Variants in PEX11B observed in about 807,000 individuals in gnomAD.
PEX11B encodes peroxisomal membrane protein 11B.
PEX11B carries 18 observed loss-of-function variants against 28.2 expected under a neutral mutation model. The ratio of observed to expected loss-of-function variants is 0.64; its 90% CI spans 0.44 to 0.95. The LOEUF (loss-of-function observed/expected upper bound fraction) is 0.95, where lower values mean the gene tolerates loss of function less well. Among genes scored for constraint, PEX11B ranks in the 40% least tolerant of loss-of-function variants. The pLI, the probability that PEX11B is intolerant of heterozygous loss-of-function variation, is 0.00. For missense variants in PEX11B, 305 were observed against 319.8 expected (o/e 0.95, Z 0.35); for synonymous variants, 128 against 128.7 (o/e 0.99, Z 0.04).
Position 145,913,400 on chromosome 1 carries a change from C to T in PEX11B, c.375-834G>A, listed in dbSNP as rs185510077. Among the ~76,000 whole-genome samples the T allele has an allele frequency of 7.4e-4, 113 of 152,240 alleles. 2 individuals carry two copies. In the South Asian group the frequency reaches 0.016, roughly 22 times the overall value. ...TCATGTCACAACGTACATGTACAAA[C>T]ATCGAGCTATAACTCCTTAAATATA... On this transcript the variant is annotated intron_variant, in intron 3 of 3. Coordinates refer to ENST00000369306, the MANE Select transcript of PEX11B (RefSeq NM_003846.3).
chr1:145,917,668 T>G, intron 2 of PEX11B, 33 bp downstream of exon 2: 1 of 1,185,698 alleles, frequency 8.4e-7, no homozygotes, highest in Non-Finnish European at 1.3e-6. Flanking sequence ...GGAGGAAAGG[T>G]TGGGGGATAA....
Position 145,918,618 on chromosome 1 carries a change from C to T in PEX11B, c.56+15G>A. The T allele has an allele frequency of 6.3e-7, 1 of 1,588,788 alleles. No individual in the cohort carries two copies. Among genetic ancestry groups the T allele is most frequent in the Non-Finnish European group, 8.6e-7 (1 of 1,167,428 alleles). On this transcript the variant is annotated intron_variant, in intron 1 of 3. Transcript: ENST00000369306. ...TCCCTCCCCCGCCCCACCCCCATTCCTATTCGGGCCGCACCTACACAGCCG... is the reference window on the plus strand; with the variant it reads ...TCCCTCCCCCGCCCCACCCCCATTCTTATTCGGGCCGCACCTACACAGCCG...
chr1:145,916,001 G>A (rs1237642793), intron 3 of PEX11B, among the ~76,000 whole-genome samples: 1 of 152,108 alleles, frequency 6.6e-6, no homozygotes, highest in Non-Finnish European at 1.5e-5. Flanking sequence ...TCATTTCCCT[G>A]CTCAGAATCC....
rs1460942501 is a variant in PEX11B at position 145,916,972 on chromosome 1, T to C, written c.219A>G (p.Arg73=). Residue 73 remains arginine, a synonymous_variant, in exon 3 of 4, where the codon AGA becomes AGG. Coordinates refer to ENST00000369306, the MANE Select transcript of PEX11B (RefSeq NM_003846.3). ...NSADALESAK[R]AVHLSDVVLR... is the part of the protein sequence containing the mutation. ...GGACAACATCTGATAGGTGAACAGC[T>C]CTTTTGGCTGACTCAAGGGCATCTG... The C allele has an allele frequency of 1.7e-5, 28 of 1,613,864 alleles. No homozygotes were observed. Among genetic ancestry groups the C allele is most frequent in the Admixed American group, 3.3e-5 (2 of 60,014 alleles).
At chr1:145,915,197 C>G (rs1647306509) in intron 3 of PEX11B, among the ~76,000 whole-genome samples, 1 of 152,230 alleles carries the variant, frequency 6.6e-6, no homozygotes, top group Non-Finnish European at 1.5e-5. Context: ...AGCCACCGCA[C>G]CTGGCCGGCC....
At chr1:145,918,044 A>C (rs1647510086) in intron 1 of PEX11B, 8 of 984,582 alleles carry the variant, frequency 8.1e-6, no homozygotes, top group Non-Finnish European at 9.6e-6. Context: ...TGAGCAAATT[A>C]GAGATTTGAC....
intron 3 of PEX11B, among the ~76,000 whole-genome samples, chr1:145,913,592 A>AACACACAC (rs56031424): frequency 1.7e-3 from 240 of 142,798 alleles, no homozygotes; most frequent in East Asian, 0.011. Flanking sequence ...TCCACTTGGC[A>AACACACAC]ACACACACAC....
At chr1:145,917,076 A>C in intron 2 of PEX11B, 58 bp from the exon 3 acceptor site, 3 of 1,113,406 alleles carry the variant, frequency 2.7e-6, no homozygotes, top group Non-Finnish European at 4.1e-6. Flanking sequence ...AGATAACAAG[A>C]AACAGAAACA....
chr1:145,917,972 G>A (rs1647502333), intron 1 of PEX11B, 156 bp from the exon 2 acceptor site: 9 of 978,388 alleles, frequency 9.2e-6, no homozygotes, highest in Non-Finnish European at 9.7e-6. Context: ...CCAGGCCAGA[G>A]GAAGGGAAAG....
At chr1:145,917,848 G>T in intron 1 of PEX11B, 32 bp from the exon 2 acceptor site, 1 of 1,518,694 alleles carries the variant, frequency 6.6e-7, no homozygotes, top group African/African-American at 1.4e-5. Context: ...GTAAGGTGGA[G>T]ACCTCCCTAA....
chr1:145,917,780 C>G lies in PEX11B; in HGVS notation c.93G>C (p.Ala31=). 1.2e-6 allele frequency: 2 copies of G among 1,613,492 alleles called. No homozygotes were observed. The highest frequency in any genetic ancestry group is 1.7e-6 in the Non-Finnish European group (2 of 1,179,396). Residue 31 remains alanine (A), a synonymous_variant, in exon 2 of 4, where the codon GCG becomes GCC. Coordinates refer to ENST00000369306, the MANE Select transcript of PEX11B (RefSeq NM_003846.3). ...AQYACSLLGH[A]LQRHGASPEL... ...CAGGACTGGCTCCATGCCTCTGCAG[C>G]GCATGGCCAAGAAGAGAGCAAGCAT...
chr1:145,917,975 AG>A (rs1469025625), intron 1 of PEX11B, 159 bp from the exon 2 acceptor site: 1 of 977,580 alleles, frequency 1.0e-6, no homozygotes, highest in Non-Finnish European at 1.2e-6. Context: ...GGCCAGAGGA[AG>A]GGAAAGGCAT....
rs1161849942 is a variant in PEX11B, at chr1:145,911,389, G to A, written c.*772C>T. 3 of 152,352 alleles carry A rather than the reference G, an allele frequency of 2.0e-5. No homozygotes were observed. Among genetic ancestry groups the A allele is most frequent in the African/African-American group, 4.8e-5 (2 of 41,484 alleles). 9.4% of individuals were successfully genotyped at this position (152,352 alleles called of 1,614,324 possible). On this transcript the variant is annotated 3_prime_UTR_variant, in exon 4 of 4. Coordinates refer to ENST00000369306, the MANE Select transcript of PEX11B (RefSeq NM_003846.3). ...GAACTTTAATTTGCTTACCTGAAAG[G>A]CTTGCTCTTCATTATTGGCATAGGC... is the stretch of plus-strand genomic sequence containing the variant.
In PEX11B at chr1:145,918,713, G is replaced by T; in HGVS notation, c.-25C>A. The T allele has an allele frequency of 6.4e-7, 1 of 1,559,594 alleles. No homozygotes were observed. Among genetic ancestry groups the T allele is most frequent in the South Asian group, 1.2e-5 (1 of 84,822 alleles). On this transcript the variant is annotated 5_prime_UTR_variant, in exon 1 of 4. Transcript: ENST00000369306. Reference sequence around the variant, plus strand: ...TGACAGCCGCAGCCCAGGCTCCGCGGCCCTGCTCCCGCCCCACTTCCCGCC... The same window carrying T: ...TGACAGCCGCAGCCCAGGCTCCGCGTCCCTGCTCCCGCCCCACTTCCCGCC...
At chr1:145,918,481 G>T in intron 1 of PEX11B, 152 bp downstream of exon 1, 2 of 1,536,824 alleles carry the variant, frequency 1.3e-6, no homozygotes, top group East Asian at 4.9e-5. Context: ...TCTCAACAGC[G>T]GCTCAAATCT....
chr1:145,916,936 G>A lies in PEX11B; in HGVS notation c.255C>T (p.Cys85=). 6.2e-7 allele frequency: 1 copy of A among 1,613,486 alleles called. No homozygotes were observed. Among genetic ancestry groups the A allele is most frequent in the Non-Finnish European group, 8.5e-7 (1 of 1,179,396 alleles). Residue 85 remains cysteine (C), a synonymous_variant, in exon 3 of 4, where the codon TGC becomes TGT. Coordinates refer to ENST00000369306, the MANE Select transcript of PEX11B (RefSeq NM_003846.3). ...CTCGATTGAGGTGACTAACAGTGAT[G>A]CAGAATCTCAGGACAACATCTGATA... The part of the protein sequence containing the change: ...VHLSDVVLRF[C]ITVSHLNRAL...
At chr1:145,912,731 T>A (rs1007823739) in intron 3 of PEX11B, among the ~76,000 whole-genome samples, 165 bp from the exon 4 acceptor site, 3 of 152,158 alleles carry the variant, frequency 2.0e-5, no homozygotes, top group African/African-American at 7.2e-5. Flanking sequence ...TCGAGGACAC[T>A]ATGCTAAGCA....
chr1:145,917,950 C>G, intron 1 of PEX11B, 134 bp from the exon 2 acceptor site: 2 of 1,425,094 alleles, frequency 1.4e-6, no homozygotes, highest in Non-Finnish European at 9.3e-7. Context: ...ATGCCCATAT[C>G]TCACCATTTC....
chr1:145,914,575 C>T (rs938446094), intron 3 of PEX11B, among the ~76,000 whole-genome samples: 5 of 152,276 alleles, frequency 3.3e-5, no homozygotes, highest in Admixed American at 2.0e-4. Context: ...ACATTTTAAT[C>T]CCATCAAGCT....
Sources: allele counts gnomAD v4.1 joint callset (sites outside exome capture counted in the v4.1 genomes callset), GRCh38; gene constraint gnomAD v4.1.1; transcripts MANE v1.5; gene names NCBI Gene and HGNC (gene_info 2026-07-23, HGNC 2026-07-21).